Variants in ZBTB44 observed in about 807,000 individuals in gnomAD.
ZBTB44 encodes the protein zinc finger and BTB domain-containing protein 44.
Under a neutral mutation model 54.0 loss-of-function variants are expected in ZBTB44, and 15 were observed. That is an observed-to-expected ratio of 0.28 (90% CI 0.19 to 0.43). ZBTB44 has a LOEUF of 0.43. Ranked by LOEUF, ZBTB44 falls within the 20% of genes least tolerant of loss-of-function variation. ZBTB44 has a pLI of 1.00. For missense variants in ZBTB44, 487 were observed against 707.1 expected, an observed-to-expected ratio of 0.69 and a Z score of 3.53; for synonymous variants, 230 against 250.1, an observed-to-expected ratio of 0.92 and a Z score of 0.76.
Position 130,249,468 on chromosome 11 carries a change from A to G in ZBTB44, c.1019-9572T>C, listed in dbSNP as rs113303160. 9.0e-3 allele frequency among the ~76,000 whole-genome samples: 1,373 copies of G among 152,312 alleles called. 24 individuals are homozygous for G. The highest frequency in any genetic ancestry group is 0.03 in the African/African-American group (1,238 of 41,566). On this transcript the variant is annotated intron_variant, in intron 2 of 7. Coordinates refer to ENST00000357899, the MANE Select transcript of ZBTB44 (RefSeq NM_001301098.2). ...AACTTCAGTGGCTGCTGTGGGTGAC[A>G]TTATTTCCCCCAGAAAGACACTACG... is the stretch of plus-strand genomic sequence containing the variant.
At chr11:130,235,137 T>A (rs1211490418) in intron 5 of ZBTB44, among the ~76,000 whole-genome samples, 1 of 152,226 alleles carries the variant, frequency 6.6e-6, no homozygotes, top group African/African-American at 2.4e-5. Context: ...CAATAATATA[T>A]GTACTTAGAC....
intron 2 of ZBTB44, among the ~76,000 whole-genome samples, chr11:130,240,339 C>T (rs1284458640): frequency 1.3e-5 from 2 of 151,860 alleles, no homozygotes; most frequent in African/African-American, 2.4e-5. Flanking sequence ...CGCACCCAGC[C>T]GTGTTCTATA....
At chr11:130,237,173 T>G in intron 4 of ZBTB44, 80 bp from the exon 5 acceptor site, 10 of 1,312,782 alleles carry the variant, frequency 7.6e-6, no homozygotes, top group Non-Finnish European at 8.9e-6. Context: ...CTGAACTATA[T>G]TTCTGTAGCA....
chr11:130,240,199 G>A (rs1484349691), intron 2 of ZBTB44, among the ~76,000 whole-genome samples: 1 of 151,850 alleles, frequency 6.6e-6, no homozygotes, highest in Admixed American at 6.6e-5. Flanking sequence ...CCGACACCAC[G>A]CCCGGCTCAT....
chr11:130,314,453 C>T lies in ZBTB44; in HGVS notation c.-135G>A. On this transcript the variant is annotated 5_prime_UTR_variant, in exon 1 of 8. Transcript: ENST00000357899. ...CCAGGCTGGGGCGGCGAGGCGGCGG[C>T]GGCGGCGGCCCGGGGGGAGGGGGCG... 7.0e-6 allele frequency: 1 copy of T among 142,100 alleles called. No individual in the cohort carries two copies. Among genetic ancestry groups the T allele is most frequent in the South Asian group, 1.9e-4 (1 of 5,212 alleles). The allele number at this position is 142,100 out of a possible 1,614,324, so 8.8% of individuals were successfully genotyped here.
intron 2 of ZBTB44, among the ~76,000 whole-genome samples, chr11:130,253,477 A>G (rs183518709): frequency 6.6e-6 from 1 of 152,332 alleles, no homozygotes; most frequent in Non-Finnish European, 1.5e-5. Flanking sequence ...CAATTGCTTC[A>G]AAGAAAAGAA....
chr11:130,275,691 G>GA (rs1360263711), intron 1 of ZBTB44, among the ~76,000 whole-genome samples: 1 of 152,054 alleles, frequency 6.6e-6, no homozygotes, highest in Non-Finnish European at 1.5e-5. Context: ...GCAGTGGCAT[G>GA]ATCTTAGCTC....
rs960967771 is a variant in ZBTB44, at chr11:130,254,610, C to T, written c.1018+6246G>A. Among the ~76,000 whole-genome samples, 79 of 152,248 alleles carry T rather than the reference C, an allele frequency of 5.2e-4. 1 individual carries two copies. The East Asian group carries it at 0.014, about 26-fold the overall frequency. On this transcript the variant is annotated intron_variant, in intron 2 of 7. Coordinates refer to ENST00000357899, the MANE Select transcript of ZBTB44 (RefSeq NM_001301098.2). ...GAGAGGATGTGGAGAAATAGGAACA[C>T]TTTTACACTGTTGGTGGGACTGTAA...
At chr11:130,311,215 A>T (rs1034686077) in intron 1 of ZBTB44, among the ~76,000 whole-genome samples, 1 of 151,702 alleles carries the variant, frequency 6.6e-6, no homozygotes, top group Non-Finnish European at 1.5e-5. Flanking sequence ...TAAGTTTATT[A>T]TTTTTTTTGG....
rs150536134 is a variant in ZBTB44, at chr11:130,287,011, C to A, written c.-56-25082G>T. 1.6e-3 allele frequency among the ~76,000 whole-genome samples: 240 copies of A among 152,336 alleles called. 5 individuals carry two copies. The South Asian group carries it at 0.034, about 22-fold the overall frequency. On this transcript the variant is annotated intron_variant, in intron 1 of 7. Coordinates refer to ENST00000357899, the MANE Select transcript of ZBTB44 (RefSeq NM_001301098.2). ...TATCCCTCTGAATGTCAATTCTGGG[C>A]TTCTACTGACCAGCTAGAGTGCTAG... is the stretch of plus-strand genomic sequence containing the variant.
At position 130,245,612 on chromosome 11, in the gene ZBTB44, A is replaced by C. The variant is rs1465812622; in HGVS notation, c.1019-5716T>G. On this transcript the variant is annotated intron_variant, in intron 2 of 7. Transcript: ENST00000357899. ...AGAAGACTGGCATCTGCTTCTCACTATCAGCTTGTGATAAGGGTAGGCCAA... is the reference window on the plus strand; with the variant it reads ...AGAAGACTGGCATCTGCTTCTCACTCTCAGCTTGTGATAAGGGTAGGCCAA... 2.6e-5 allele frequency among the ~76,000 whole-genome samples: 4 copies of C among 151,868 alleles called. No individual in the cohort carries two copies. In the East Asian group the frequency reaches 7.8e-4, roughly 29 times the overall value.
chr11:130,282,715 G>T (rs1940618427), intron 1 of ZBTB44, among the ~76,000 whole-genome samples: 1 of 152,220 alleles, frequency 6.6e-6, no homozygotes, highest in Non-Finnish European at 1.5e-5. Context: ...AGTATTTTGA[G>T]TAAGAGTGGC....
At chr11:130,254,402 A>T (rs934011039) in intron 2 of ZBTB44, among the ~76,000 whole-genome samples, 3 of 152,238 alleles carry the variant, frequency 2.0e-5, no homozygotes, top group Admixed American at 2.0e-4. Context: ...ACCCCATCAG[A>T]AAGTGGGAGA....
At chr11:130,294,212 C>T (rs567690371) in intron 1 of ZBTB44, among the ~76,000 whole-genome samples, 112 of 151,868 alleles carry the variant, frequency 7.4e-4, no homozygotes, top group African/African-American at 2.7e-3. Flanking sequence ...AGTTTGAGAC[C>T]AGCCTGGCCA....
intron 1 of ZBTB44, chr11:130,296,722 A>T: frequency 1.0e-6 from 1 of 990,648 alleles, no homozygotes. Flanking sequence ...AAAATTTCTG[A>T]CATTCAGTCT....
intron 1 of ZBTB44, among the ~76,000 whole-genome samples, chr11:130,262,922 G>A (rs1938982681): frequency 1.3e-5 from 2 of 152,186 alleles, no homozygotes; most frequent in South Asian, 4.1e-4. Context: ...TTAGGCGGGT[G>A]TGGTGGCATG....
At chr11:130,239,948 A>G in intron 2 of ZBTB44, 52 bp from the exon 3 acceptor site, 1 of 1,316,546 alleles carries the variant, frequency 7.6e-7, no homozygotes, top group Non-Finnish European at 1.1e-6. Flanking sequence ...GAATAAGCCA[A>G]GATTGTAACT....
chr11:130,263,737 A>C (rs181718750), intron 1 of ZBTB44, among the ~76,000 whole-genome samples: 3 of 152,198 alleles, frequency 2.0e-5, no homozygotes, highest in African/African-American at 4.8e-5. Context: ...ATCCACCTTC[A>C]GTCATCTTCC....
intron 1 of ZBTB44, among the ~76,000 whole-genome samples, chr11:130,313,922 G>GTC (rs764496293): frequency 7.7e-6 from 1 of 129,326 alleles, no homozygotes; most frequent in Non-Finnish European, 1.6e-5. Context: ...GTGTGTGTGT[G>GTC]TATGTGTGTG....
Sources: allele counts gnomAD v4.1 joint callset (sites outside exome capture counted in the v4.1 genomes callset), GRCh38; gene constraint gnomAD v4.1.1; transcripts MANE v1.5; gene names NCBI Gene and HGNC (gene_info 2026-07-23, HGNC 2026-07-21).